EFL1: variants seen among roughly 807,000 people sequenced by gnomAD.
EFL1 encodes the protein elongation factor-like GTPase 1.
Under a neutral mutation model 126.7 loss-of-function variants are expected in EFL1, and 76 were observed. The ratio of observed to expected loss-of-function variants is 0.60; its 90% CI spans 0.50 to 0.73. EFL1 has a LOEUF of 0.73. Among genes scored for constraint, EFL1 ranks in the 30% least tolerant of loss-of-function variants. The probability of loss-of-function intolerance (pLI) is 0.00; values close to 1 mark genes in which losing one functional copy is unlikely to be tolerated. For missense variants in EFL1, 1,128 were observed against 1,343.2 expected (o/e 0.84, Z 2.50); for synonymous variants, 410 against 448.4 (o/e 0.91, Z 1.08).
intron 15 of EFL1, among the ~76,000 whole-genome samples, chr15:82,211,098 GA>G (rs34614743): frequency 0.34 from 48,018 of 143,178 alleles, 7,896 homozygotes; most frequent in African/African-American, 0.4. Flanking sequence ...CTGTTTCAAA[GA>G]AAAAAAAAAA....
At chr15:82,223,147 A>C (rs1279025980) in intron 12 of EFL1, among the ~76,000 whole-genome samples, 1 of 152,202 alleles carries the variant, frequency 6.6e-6, no homozygotes, top group South Asian at 2.1e-4. Context: ...CTCTATACTA[A>C]AGGAAAATAA....
chr15:82,179,641 ACT>A (rs762595045), intron 15 of EFL1, among the ~76,000 whole-genome samples: 6 of 151,600 alleles, frequency 4.0e-5, no homozygotes, highest in Non-Finnish European at 7.4e-5. Flanking sequence ...CATAATATAT[ACT>A]CTCCTTTCCA....
chr15:82,158,684 A>G (rs2073991592), intron 16 of EFL1, among the ~76,000 whole-genome samples: 1 of 152,210 alleles, frequency 6.6e-6, no homozygotes, highest in South Asian at 2.1e-4. Flanking sequence ...AAATCACAGG[A>G]ACTTTCTGCA....
chr15:82,217,136 G>A (rs2074656012), intron 14 of EFL1, among the ~76,000 whole-genome samples: 2 of 151,942 alleles, frequency 1.3e-5, no homozygotes, highest in Admixed American at 1.3e-4. Context: ...CCATCAGACT[G>A]GCACAAATCA....
At chr15:82,196,732 G>A (rs551418118) in intron 15 of EFL1, among the ~76,000 whole-genome samples, 1 of 152,310 alleles carries the variant, frequency 6.6e-6, no homozygotes, top group South Asian at 2.1e-4. Flanking sequence ...TCTTTCAAGT[G>A]CATTAATAAT....
intron 15 of EFL1, among the ~76,000 whole-genome samples, chr15:82,169,066 A>G (rs536883529): frequency 9.0e-4 from 137 of 152,232 alleles, no homozygotes; most frequent in Non-Finnish European, 1.6e-3. Context: ...CCATCATTCA[A>G]TTAAGAACAG....
intron 14 of EFL1, among the ~76,000 whole-genome samples, chr15:82,218,142 C>T (rs2074670684): frequency 6.6e-6 from 1 of 152,130 alleles, no homozygotes; most frequent in South Asian, 2.1e-4. Flanking sequence ...GTGGCTAAGC[C>T]ATGTCTGGTT....
chr15:82,183,452 C>T (rs1300516610), intron 15 of EFL1, among the ~76,000 whole-genome samples: 1 of 152,104 alleles, frequency 6.6e-6, no homozygotes, highest in Non-Finnish European at 1.5e-5. Flanking sequence ...CATGACACCA[C>T]TTAAGGGCAT....
chr15:82,158,063 C>T (rs1295083385), intron 16 of EFL1, among the ~76,000 whole-genome samples: 1 of 152,140 alleles, frequency 6.6e-6, no homozygotes, highest in Non-Finnish European at 1.5e-5. Flanking sequence ...GACACATCCG[C>T]AAGCTTACCA....
At position 82,219,804 on chromosome 15, in the gene EFL1, C is replaced by T. The variant is rs769971779; in HGVS notation, c.1459G>A (p.Val487Met). Reference sequence around the variant, plus strand: ...ACAGGTTTAGGGGTCATACTTTCCACCTGTTGCTCGTCACCTGACAGAAAC... The same window carrying T: ...ACAGGTTTAGGGGTCATACTTTCCATCTGTTGCTCGTCACCTGACAGAAAC... ...GEEPRGDEQQ[V>M]ESMTPKPVLQ... The change falls in exon 14 of 20, where the codon GTG (valine) becomes ATG (methionine). Residue 487 changes from valine to methionine, a missense_variant. This residue lies in a region of EFL1 where 120 missense variants were observed against 142.1 expected (regional missense o/e 0.84). Coordinates refer to ENST00000268206, the MANE Select transcript of EFL1 (RefSeq NM_024580.6). 2.5e-6 allele frequency: 4 copies of T among 1,604,914 alleles called. No homozygotes were observed. The highest frequency in any genetic ancestry group is 3.4e-6 in the Non-Finnish European group (4 of 1,177,850).
At chr15:82,215,402 A>G (rs1292757259) in intron 14 of EFL1, among the ~76,000 whole-genome samples, 24 of 152,166 alleles carry the variant, frequency 1.6e-4, no homozygotes, top group Admixed American at 1.6e-3. Flanking sequence ...TTCATATGGA[A>G]GAGCATGCTG....
rs373797270 is a variant in EFL1, at chr15:82,198,865, C to T, written c.1750+15852G>A. The stretch of plus-strand genomic sequence containing the variant: ...TGCGATCAAAACTGTGAAGCACCTA[C>T]AAATAATTTGGAAGACTAAGCACCC... On this transcript the variant is annotated intron_variant, in intron 15 of 19. Transcript: ENST00000268206. Among the ~76,000 whole-genome samples the T allele has an allele frequency of 3.2e-4, 48 of 152,226 alleles. No homozygotes were observed. In the East Asian group the frequency reaches 5.0e-3, roughly 16 times the overall value.
At chr15:82,243,572 T>C (rs373164057) in intron 4 of EFL1, among the ~76,000 whole-genome samples, 26,509 of 61,094 alleles carry the variant, frequency 0.43, 6,419 homozygotes, top group African/African-American at 0.5. Flanking sequence ...TTTCCATCCT[T>C]TGTGATACGA....
At chr15:82,229,625 T>C (rs2141314750) in intron 8 of EFL1, among the ~76,000 whole-genome samples, 1 of 152,270 alleles carries the variant, frequency 6.6e-6, no homozygotes, top group Non-Finnish European at 1.5e-5. Context: ...CGAGATGGGA[T>C]ATATTAATAA....
chr15:82,148,598 C>A (rs1223392902), intron 18 of EFL1, among the ~76,000 whole-genome samples: 1 of 152,080 alleles, frequency 6.6e-6, no homozygotes. Context: ...CAAACTATAG[C>A]AAGTGGAACA....
At chr15:82,154,438 T>C (rs1186009194) in intron 17 of EFL1, among the ~76,000 whole-genome samples, 1 of 152,194 alleles carries the variant, frequency 6.6e-6, no homozygotes, top group African/African-American at 2.4e-5. Flanking sequence ...TACCAAAAGG[T>C]AGGCTCTGTC....
chr15:82,164,526 T>C (rs1009766912), intron 15 of EFL1, among the ~76,000 whole-genome samples: 1 of 152,166 alleles, frequency 6.6e-6, no homozygotes, highest in Non-Finnish European at 1.5e-5. Flanking sequence ...CTTCAGACTT[T>C]TGGCTGATGA....
intron 6 of EFL1, 119 bp downstream of exon 6, chr15:82,240,299 C>A (rs965263658): frequency 1.1e-6 from 1 of 907,286 alleles, no homozygotes; most frequent in Non-Finnish European, 1.6e-6. Flanking sequence ...AACAGCAACA[C>A]GTATGAATCT....
chr15:82,244,825 A>AGG (rs2074956902), intron 4 of EFL1, among the ~76,000 whole-genome samples: 1 of 152,184 alleles, frequency 6.6e-6, no homozygotes, highest in Non-Finnish European at 1.5e-5. Context: ...TAAGGAGTTT[A>AGG]GTGTTCAACT....
Sources: allele counts gnomAD v4.1 joint callset (sites outside exome capture counted in the v4.1 genomes callset), GRCh38; gene constraint gnomAD v4.1.1; regional missense constraint gnomAD v4.1.1; transcripts MANE v1.5; gene names NCBI Gene and HGNC (gene_info 2026-07-23, HGNC 2026-07-21).